Variants in ZNF430 observed in about 807,000 individuals in gnomAD.
The protein encoded by ZNF430 is zinc finger protein 430.
In ZNF430, 35 loss-of-function variants were observed where a neutral mutation model predicts 56.7. That is an observed-to-expected ratio of 0.62 (90% confidence interval 0.47 to 0.82). The LOEUF (loss-of-function observed/expected upper bound fraction) is 0.82, where lower values mean the gene tolerates loss of function less well. Among genes scored for constraint, ZNF430 ranks in the 40% least tolerant of loss-of-function variants. ZNF430 has a pLI of 0.00. For synonymous variants in ZNF430, 212 were observed against 224.3 expected (o/e 0.94, Z 0.49); for missense variants, 574 against 661.0 (o/e 0.87, Z 1.44).
At position 21,059,043 on chromosome 19, in the gene ZNF430, A is replaced by G. The variant is rs537779354; in HGVS notation, c.*1022A>G. 6.6e-6 allele frequency: 1 copy of G among 152,336 alleles called. No individual in the cohort carries two copies. The highest frequency in any genetic ancestry group is 1.9e-4 in the East Asian group (1 of 5,188). 9.4% of individuals were successfully genotyped at this position (152,336 alleles called of 1,614,324 possible). On this transcript the variant is annotated 3_prime_UTR_variant, in exon 5 of 5. Coordinates refer to ENST00000261560, the MANE Select transcript of ZNF430 (RefSeq NM_025189.4). The stretch of plus-strand genomic sequence containing the variant: ...ATTGAAGAAAAACTTTGCAAATTTA[A>G]TAAATTTTAAAAAACACTTTTTCAA...
In ZNF430 at chr19:21,033,475, A is replaced by G. The variant is rs1353920222; in HGVS notation, c.116A>G (p.Asp39Gly). Residue 39 changes from aspartate (D) to glycine (G), a missense_variant, in exon 3 of 5, where the codon GAT becomes GGT. Physicochemically the swap from Asp to Gly is moderately conservative, Grantham distance 94. This residue lies in a region of ZNF430 where 346 missense variants were observed against 399.1 expected (regional missense o/e 0.87). Coordinates refer to ENST00000261560, the MANE Select transcript of ZNF430 (RefSeq NM_025189.4). The stretch of plus-strand genomic sequence containing the variant: ...TTTCAGGGGCCATTGACATTTAGGG[A>G]TGTGGCCATAGAATTTTCTCTGGAG... ...FYEKGPLTFR[D>G]VAIEFSLEEW... is the part of the protein sequence containing the mutation. 3 of 1,611,090 alleles carry G rather than the reference A, an allele frequency of 1.9e-6. No individual in the cohort carries two copies. The South Asian group carries it at 3.3e-5, about 18-fold the overall frequency.
At chr19:21,054,049 T>A (rs968355144) in intron 4 of ZNF430, among the ~76,000 whole-genome samples, 4 of 152,066 alleles carry the variant, frequency 2.6e-5, no homozygotes, top group African/African-American at 9.7e-5. Flanking sequence ...TCATTACATC[T>A]GCCCTCAAAT....
chr19:21,055,643 G>A (rs1968363072), intron 4 of ZNF430, among the ~76,000 whole-genome samples: 1 of 151,980 alleles, frequency 6.6e-6, no homozygotes, highest in South Asian at 2.1e-4. Flanking sequence ...TAGTAGAGAT[G>A]GAGTTTCACC....
chr19:21,038,779 G>A (rs1968048711), intron 4 of ZNF430, among the ~76,000 whole-genome samples: 1 of 152,010 alleles, frequency 6.6e-6, no homozygotes, highest in Non-Finnish European at 1.5e-5. Context: ...TTTTTCATGG[G>A]TGTTTGGCTA....
intron 3 of ZNF430, chr19:21,033,825 A>T: frequency 3.8e-6 from 2 of 525,800 alleles, no homozygotes; most frequent in Non-Finnish European, 6.3e-6. Context: ...CAATTCCAGA[A>T]ATTTAGTGGC....
intron 4 of ZNF430, among the ~76,000 whole-genome samples, chr19:21,045,337 A>G (rs1329419355): frequency 6.6e-6 from 1 of 152,136 alleles, no homozygotes; most frequent in Non-Finnish European, 1.5e-5. Flanking sequence ...ATTTACCCAG[A>G]AGTCATTCAG....
intron 4 of ZNF430, among the ~76,000 whole-genome samples, chr19:21,053,806 A>C (rs2144789236): frequency 6.6e-6 from 1 of 152,200 alleles, no homozygotes; most frequent in Non-Finnish European, 1.5e-5. Context: ...CATTAATGTT[A>C]TTTTATTGTT....
In ZNF430 at chr19:21,058,781, T is replaced by TA. The variant is rs1968424299; in HGVS notation, c.*761dup. 6.6e-6 allele frequency: 1 copy of TA among 152,278 alleles called. No individual in the cohort carries two copies. Among genetic ancestry groups the TA allele is most frequent in the Admixed American group, 6.5e-5 (1 of 15,270 alleles). 9.4% of individuals were successfully genotyped at this position (152,278 alleles called of 1,614,324 possible). Reference sequence around the variant, plus strand: ...AAGCCATTAATATCTATTCACATCTTACCACTGGAGAGTTCATACTTAATA... The same window carrying TA: ...AAGCCATTAATATCTATTCACATCTTAACCACTGGAGAGTTCATACTTAATA... On this transcript the variant is annotated 3_prime_UTR_variant, in exon 5 of 5. Transcript: ENST00000261560.
intron 4 of ZNF430, 145 bp from the exon 5 acceptor site, chr19:21,056,486 C>CT: frequency 2.0e-6 from 1 of 491,120 alleles, no homozygotes; most frequent in East Asian, 3.5e-5. Context: ...GAGACTCTGT[C>CT]TAAAAAAAAA....
At chr19:21,051,273 C>T (rs1222951091) in intron 4 of ZNF430, among the ~76,000 whole-genome samples, 1 of 150,528 alleles carries the variant, frequency 6.6e-6, no homozygotes, top group East Asian at 1.9e-4. Context: ...TATCATCAAG[C>T]TTTATCTTTA....
intron 3 of ZNF430, 28 bp from the exon 4 acceptor site, chr19:21,034,058 A>G (rs1337062788): frequency 6.4e-7 from 1 of 1,561,210 alleles, no homozygotes; most frequent in Non-Finnish European, 8.8e-7. Context: ...AATATGAGAA[A>G]GATTCATGTT....
At chr19:21,044,050 G>A (rs1968149606) in intron 4 of ZNF430, among the ~76,000 whole-genome samples, 1 of 149,966 alleles carries the variant, frequency 6.7e-6, no homozygotes, top group Non-Finnish European at 1.5e-5. Flanking sequence ...CAGACAGTTT[G>A]ACTTCCTATT....
chr19:21,056,399 G>A (rs1968377322), intron 4 of ZNF430, among the ~76,000 whole-genome samples: 1 of 151,782 alleles, frequency 6.6e-6, no homozygotes, highest in Non-Finnish European at 1.5e-5. Flanking sequence ...TGGGGCAGGA[G>A]AATAGCTTGA....
chr19:21,050,392 A>G (rs1968264400), intron 4 of ZNF430, among the ~76,000 whole-genome samples: 2 of 152,178 alleles, frequency 1.3e-5, no homozygotes, highest in African/African-American at 4.8e-5. Context: ...ACTCTGTACA[A>G]TTTAAGGCAG....
chr19:21,033,653 T>A, intron 3 of ZNF430, 71 bp downstream of exon 3: 1 of 1,483,408 alleles, frequency 6.7e-7, no homozygotes, highest in Middle Eastern at 1.8e-4. Flanking sequence ...TGAGAATAAT[T>A]TTTGGTAATT....
intron 4 of ZNF430, chr19:21,049,591 A>C (rs1599505301): frequency 6.7e-6 from 1 of 150,078 alleles, no homozygotes; most frequent in African/African-American, 2.4e-5. Context: ...AATTACAGGC[A>C]TGAGCCACTA....
rs536496163 is a variant in ZNF430, at chr19:21,048,164, C to CTTTTTTTT, written c.323-8442_323-8435dup. Among the ~76,000 whole-genome samples, 9 of 59,818 alleles carry CTTTTTTTT rather than the reference C, an allele frequency of 1.5e-4. 1 individual carries two copies. The highest frequency in any genetic ancestry group is 1.3e-3 in the East Asian group (2 of 1,496). 39.2% of individuals were successfully genotyped at this position (59,818 alleles called of 152,430 possible). ...TTAAAATGGAGATTACATAAAACAT[C>CTTTTTTTT]TTTTTTTTTTTTTTTTTTTTTTTTT... On this transcript the variant is annotated intron_variant, in intron 4 of 4. Coordinates refer to ENST00000261560, the MANE Select transcript of ZNF430 (RefSeq NM_025189.4).
At chr19:21,031,773 A>G (rs7247413) in intron 2 of ZNF430, among the ~76,000 whole-genome samples, 2 of 152,042 alleles carry the variant, frequency 1.3e-5, no homozygotes, top group African/African-American at 4.8e-5. Context: ...GTGTCTCAGA[A>G]GAAGAGCTGT....
At chr19:21,046,742 C>T (rs1009574551) in intron 4 of ZNF430, among the ~76,000 whole-genome samples, 3 of 151,900 alleles carry the variant, frequency 2.0e-5, no homozygotes, top group African/African-American at 7.3e-5. Flanking sequence ...GGTGATGTGG[C>T]GTTTCTCTCT....
Sources: gnomAD v4.1 joint callset for allele counts (sites outside exome capture counted in the v4.1 genomes callset) on GRCh38, gnomAD v4.1.1 for gene constraint, gnomAD v4.1.1 regional missense constraint, MANE v1.5 for transcripts, NCBI Gene and HGNC (gene_info 2026-07-23, HGNC 2026-07-21) for gene names.